VPS13B: variants seen among roughly 807,000 people sequenced by gnomAD.
The protein encoded by VPS13B is intermembrane lipid transfer protein VPS13B.
VPS13B carries 285 observed loss-of-function variants against 426.4 expected under a neutral mutation model. The observed-to-expected ratio is 0.67, with a 90% CI of 0.61 to 0.74. VPS13B has a LOEUF of 0.74. VPS13B is among the 30% of genes least tolerant of loss of function. The pLI is 0.00. For synonymous variants in VPS13B, 1,676 were observed against 1,676.4 expected (o/e 1.00, Z 0.01); for missense variants, 4,537 against 4,782.6 (o/e 0.95, Z 1.51).
chr8:99,120,820 C>A (rs1327201436), intron 7 of VPS13B, among the ~76,000 whole-genome samples: 2 of 151,924 alleles, frequency 1.3e-5, no homozygotes, highest in African/African-American at 4.8e-5. Context: ...AATATATCAG[C>A]CTTATTTTTG....
intron 30 of VPS13B, among the ~76,000 whole-genome samples, chr8:99,544,112 A>C (rs1181087492): frequency 1.3e-5 from 2 of 151,432 alleles, no homozygotes; most frequent in East Asian, 1.9e-4. Context: ...GCACATATAC[A>C]CCATGGAATA....
At chr8:99,805,153 A>G (rs906608395) in intron 43 of VPS13B, among the ~76,000 whole-genome samples, 2 of 151,466 alleles carry the variant, frequency 1.3e-5, no homozygotes, top group African/African-American at 2.4e-5. Flanking sequence ...AATGAATACA[A>G]TGGATTGGGA....
At chr8:99,416,317 TA>T (rs1816002702) in intron 21 of VPS13B, among the ~76,000 whole-genome samples, 1 of 152,144 alleles carries the variant, frequency 6.6e-6, no homozygotes, top group South Asian at 2.1e-4. Context: ...GTCCTGGCAG[TA>T]AGAATTTCAA....
intron 19 of VPS13B, among the ~76,000 whole-genome samples, chr8:99,380,085 T>C (rs1588311400): frequency 6.6e-6 from 1 of 152,156 alleles, no homozygotes; most frequent in Admixed American, 6.5e-5. Flanking sequence ...TGAGTTGTTA[T>C]AAAATAAGAA....
At position 99,854,206 on chromosome 8, in the gene VPS13B, T is replaced by C. The variant is rs1434347692; in HGVS notation, c.10817T>C (p.Leu3606Pro). The change falls in exon 56 of 62, where the codon CTT becomes CCT. Residue 3606 changes from leucine to proline, a missense_variant. By Grantham distance (98) the Leu-to-Pro change is moderately conservative. Transcript: ENST00000357162. Reference protein sequence around the residue: ...RGPIFTTARQLVHALAMHYAA... With the variant: ...RGPIFTTARQPVHALAMHYAA... ...CCCATCTTCACCACTGCGAGGCAGC[T>C]TGTGCACGCCCTGGCAATGCACTAT... 1 of 1,614,146 alleles carries C rather than the reference T, an allele frequency of 6.2e-7. No individual in the cohort carries two copies. The highest frequency in any genetic ancestry group is 8.5e-7 in the Non-Finnish European group (1 of 1,180,032).
At chr8:99,561,885 A>G (rs1373854312) in intron 31 of VPS13B, among the ~76,000 whole-genome samples, 1 of 152,164 alleles carries the variant, frequency 6.6e-6, no homozygotes, top group Non-Finnish European at 1.5e-5. Flanking sequence ...TGCTATGGAT[A>G]TTGCTGTACA....
intron 2 of VPS13B, among the ~76,000 whole-genome samples, chr8:99,025,832 A>G (rs1160274228): frequency 6.6e-6 from 1 of 152,104 alleles, no homozygotes; most frequent in African/African-American, 2.4e-5. Context: ...AGGTATACTA[A>G]TTTATTGGTG....
In VPS13B at chr8:99,324,679, G is replaced by A. The variant is rs562955614; in HGVS notation, c.2824+49425G>A. On this transcript the variant is annotated intron_variant, in intron 19 of 61. Transcript: ENST00000357162. ...CTGTTTAATTTAAAGGGTATCAATTGTAAGATATGTTTTCAACATTTTTGT... is the reference window on the plus strand; with the variant it reads ...CTGTTTAATTTAAAGGGTATCAATTATAAGATATGTTTTCAACATTTTTGT... Among the ~76,000 whole-genome samples, 7 of 152,244 alleles carry A rather than the reference G, an allele frequency of 4.6e-5. No homozygotes were observed. In the South Asian group the frequency reaches 1.4e-3, roughly 32 times the overall value.
At chr8:99,349,072 G>A (rs3134143) in intron 19 of VPS13B, among the ~76,000 whole-genome samples, 1 of 150,926 alleles carries the variant, frequency 6.6e-6, no homozygotes. Flanking sequence ...GGTGGCTCAC[G>A]CCTGTAATCC....
At chr8:99,061,283 T>C (rs1384088379) in intron 3 of VPS13B, among the ~76,000 whole-genome samples, 1 of 147,310 alleles carries the variant, frequency 6.8e-6, no homozygotes, top group Non-Finnish European at 1.5e-5. Context: ...GATGATTAGA[T>C]GCTGCTAATT....
At chr8:99,397,236 C>G (rs1814778536) in intron 21 of VPS13B, among the ~76,000 whole-genome samples, 1 of 152,128 alleles carries the variant, frequency 6.6e-6, no homozygotes, top group Non-Finnish European at 1.5e-5. Context: ...ACCTCCACCT[C>G]CTGAGTTCAA....
chr8:99,742,516 C>A (rs1433724144), intron 39 of VPS13B, among the ~76,000 whole-genome samples: 2 of 152,144 alleles, frequency 1.3e-5, no homozygotes, highest in Non-Finnish European at 2.9e-5. Context: ...GGCAGAGACA[C>A]AACCAAAAGA....
At chr8:99,456,200 A>G (rs986813211) in intron 23 of VPS13B, among the ~76,000 whole-genome samples, 2 of 151,984 alleles carry the variant, frequency 1.3e-5, no homozygotes, top group Non-Finnish European at 2.9e-5. Flanking sequence ...GCAGAGTCTC[A>G]CTCTGTCTCC....
rs1172558825 is a variant in VPS13B, at chr8:99,661,447, C to T, written c.6002C>T (p.Pro2001Leu). 1.2e-6 allele frequency: 2 copies of T among 1,613,562 alleles called. No homozygotes were observed. The highest frequency in any genetic ancestry group is 1.7e-6 in the Non-Finnish European group (2 of 1,179,792). The change falls in exon 35 of 62, where the codon CCT (proline) becomes CTT (leucine). Residue 2001 changes from proline (P) to leucine (L), a missense_variant. Pro to Leu is a moderately conservative substitution (Grantham distance 98). Around this residue, in one of 2 missense-constraint regions of VPS13B, gnomAD observed 4,311 missense variants for 4,474.3 expected, o/e 0.96. Transcript: ENST00000357162. ...GEIDSKSGIP[P>L]SFITLQIKDF... ...ATAGACAGCAAAAGTGGTATTCCAC[C>T]TTCCTTTATAACACTACAGATTAAA...
chr8:99,275,038 C>T (rs1563641440), intron 18 of VPS13B, 43 bp from the exon 19 acceptor site: 1 of 1,487,492 alleles, frequency 6.7e-7, no homozygotes, highest in Non-Finnish European at 9.1e-7. Context: ...TCAAGTGACT[C>T]ATGTTTTATT....
chr8:99,793,834 C>T (rs1812679457), intron 43 of VPS13B, among the ~76,000 whole-genome samples: 1 of 152,200 alleles, frequency 6.6e-6, no homozygotes, highest in South Asian at 2.1e-4. Context: ...GAGTTTCACT[C>T]CTAAGGTTTG....
At chr8:99,135,546 A>C in intron 10 of VPS13B, 50 bp from the exon 11 acceptor site, 1 of 1,595,286 alleles carries the variant, frequency 6.3e-7, no homozygotes, top group Non-Finnish European at 8.6e-7. Flanking sequence ...ATTTTGTTTA[A>C]CAGGCTAATG....
At chr8:99,436,229 A>G (rs1212605037) in intron 22 of VPS13B, among the ~76,000 whole-genome samples, 1 of 152,182 alleles carries the variant, frequency 6.6e-6, no homozygotes, top group Non-Finnish European at 1.5e-5. Flanking sequence ...AAATGGATAC[A>G]TTAAATAATA....
At chr8:99,600,473 T>C (rs889580203) in intron 33 of VPS13B, among the ~76,000 whole-genome samples, 5 of 152,200 alleles carry the variant, frequency 3.3e-5, no homozygotes, top group Admixed American at 3.3e-4. Context: ...ATTGTCCTTG[T>C]ATATAATTTG....
Sources: allele counts gnomAD v4.1 joint callset (sites outside exome capture counted in the v4.1 genomes callset), GRCh38; gene constraint gnomAD v4.1.1; regional missense constraint gnomAD v4.1.1; transcripts MANE v1.5; gene names NCBI Gene and HGNC (gene_info 2026-07-23, HGNC 2026-07-21).